Variants in GLT1D1 observed in about 807,000 individuals in gnomAD.
The protein encoded by GLT1D1 is glycosyltransferase 1 domain containing 1, also known as glycosyltransferase 1 domain-containing protein 1.
A neutral mutation model predicts 28.7 loss-of-function variants in GLT1D1; 21 were observed. The ratio of observed to expected loss-of-function variants is 0.73; its 90% CI spans 0.52 to 1.05. The LOEUF (loss-of-function observed/expected upper bound fraction) is 1.05, where lower values mean the gene tolerates loss of function less well. Among genes scored for constraint, GLT1D1 ranks in the 50% least tolerant of loss-of-function variants. The pLI, the probability that GLT1D1 is intolerant of heterozygous loss-of-function variation, is 0.00. For missense variants in GLT1D1, 343 were observed against 330.6 expected (o/e 1.04, Z -0.29); for synonymous variants, 147 against 124.8 (o/e 1.18, Z -1.19).
At chr12:128,907,382 T>C (rs1274934352) in intron 4 of GLT1D1, among the ~76,000 whole-genome samples, 2 of 150,494 alleles carry the variant, frequency 1.3e-5, no homozygotes, top group Admixed American at 6.7e-5. Flanking sequence ...CTCGGCTCAC[T>C]GCAAGCTCTG....
intron 7 of GLT1D1, among the ~76,000 whole-genome samples, chr12:128,963,736 T>C (rs1460796973): frequency 6.6e-6 from 1 of 152,190 alleles, no homozygotes; most frequent in African/African-American, 2.4e-5. Context: ...GGCAGAGAGC[T>C]TTTATGGAGT....
intron 2 of GLT1D1, among the ~76,000 whole-genome samples, chr12:128,883,581 C>T (rs1366411662): frequency 7.4e-6 from 1 of 135,740 alleles, no homozygotes; most frequent in East Asian, 2.1e-4. Context: ...CAGAGCTAGA[C>T]TCCATCTCAA....
At chr12:128,919,635 A>G (rs902962932) in intron 4 of GLT1D1, among the ~76,000 whole-genome samples, 16 of 152,256 alleles carry the variant, frequency 1.1e-4, no homozygotes, top group Non-Finnish European at 1.9e-4. Context: ...GGTTAAGTGT[A>G]GTAAATGGCA....
At chr12:128,856,608 T>C (rs1956231275) in intron 1 of GLT1D1, among the ~76,000 whole-genome samples, 1 of 152,094 alleles carries the variant, frequency 6.6e-6, no homozygotes, top group Non-Finnish European at 1.5e-5. Context: ...ACACAGGTCC[T>C]GAGCTGTGTG....
intron 6 of GLT1D1, among the ~76,000 whole-genome samples, chr12:128,948,573 G>C (rs943445968): frequency 1.3e-5 from 2 of 152,288 alleles, no homozygotes; most frequent in Non-Finnish European, 2.9e-5. Context: ...ACTGCTTCCT[G>C]AGGTCTTTGA....
At chr12:128,949,833 C>T (rs767701559) in intron 6 of GLT1D1, among the ~76,000 whole-genome samples, 79 of 151,788 alleles carry the variant, frequency 5.2e-4, no homozygotes, top group Non-Finnish European at 1.1e-3. Flanking sequence ...TGTACACACG[C>T]ACATGCACAC....
intron 7 of GLT1D1, among the ~76,000 whole-genome samples, chr12:128,981,925 C>G (rs1357893959): frequency 6.6e-6 from 1 of 152,178 alleles, no homozygotes; most frequent in Non-Finnish European, 1.5e-5. Flanking sequence ...AAACCCACGC[C>G]TCCCGTGTCA....
intron 4 of GLT1D1, 149 bp downstream of exon 7, chr12:128,926,603 C>G (rs1435512693): frequency 1.8e-6 from 1 of 543,074 alleles, no homozygotes; most frequent in Non-Finnish European, 3.3e-6. Flanking sequence ...TGGAAAAGAA[C>G]AGAAAAATAA....
intron 7 of GLT1D1, among the ~76,000 whole-genome samples, chr12:128,973,365 T>G (rs1452424529): frequency 2.7e-5 from 4 of 146,638 alleles, no homozygotes; most frequent in African/African-American, 7.6e-5. Flanking sequence ...TTTTTTTTTT[T>G]GTATTTTTGT....
intron 2 of GLT1D1, among the ~76,000 whole-genome samples, chr12:128,878,779 A>G (rs2135803236): frequency 6.6e-6 from 1 of 151,882 alleles, no homozygotes; most frequent in African/African-American, 2.4e-5. Flanking sequence ...ATGCCCGGCT[A>G]TTTTTTTGGT....
intron 1 of GLT1D1, among the ~76,000 whole-genome samples, chr12:128,874,100 C>CTTTGTT (rs1219784154): frequency 7.0e-5 from 3 of 43,060 alleles, no homozygotes; most frequent in African/African-American, 3.3e-4. Context: ...TTCTTTCTTT[C>CTTTGTT]TCTCTCTCTC....
intron 3 of GLT1D1, among the ~76,000 whole-genome samples, chr12:128,896,804 A>G (rs893237478): frequency 7.9e-5 from 12 of 152,124 alleles, no homozygotes; most frequent in Non-Finnish European, 1.6e-4. Flanking sequence ...GAATTCTATC[A>G]TAAATTCTGT....
At chr12:128,926,798 T>A (rs1873267400) in intron 4 of GLT1D1, among the ~76,000 whole-genome samples, 1 of 152,194 alleles carries the variant, frequency 6.6e-6, no homozygotes, top group African/African-American at 2.4e-5. Context: ...TTTAAGGTAA[T>A]CGATACAGTC....
At chr12:128,920,711 C>G (rs1322587599) in intron 4 of GLT1D1, among the ~76,000 whole-genome samples, 1 of 152,118 alleles carries the variant, frequency 6.6e-6, no homozygotes, top group Non-Finnish European at 1.5e-5. Flanking sequence ...TAGCTGTTGG[C>G]AGCAATATGC....
intron 4 of GLT1D1, among the ~76,000 whole-genome samples, chr12:128,902,378 G>A (rs961684943): frequency 2.0e-5 from 3 of 150,990 alleles, no homozygotes; most frequent in East Asian, 1.9e-4. Context: ...AGCTACTTTC[G>A]GGAGGCTGAG....
intron 1 of GLT1D1, among the ~76,000 whole-genome samples, chr12:128,858,953 G>T (rs1956294000): frequency 6.6e-6 from 1 of 152,120 alleles, no homozygotes; most frequent in Non-Finnish European, 1.5e-5. Flanking sequence ...CTATAGCTTG[G>T]AACTGCCCTT....
Position 128,951,955 on chromosome 12 carries a change from C to T in GLT1D1, c.540+4497C>T, listed in dbSNP as rs533773338. ...CTGCGGTTTTCCTTGGAGGCAGGGC[C>T]GTGCCCGCCATGGTGTGGAATCCTC... On this transcript the variant is annotated intron_variant, in intron 6 of 7. Coordinates refer to ENST00000281703, the MANE Select transcript of GLT1D1 (RefSeq NM_144669.3). 6.6e-5 allele frequency among the ~76,000 whole-genome samples: 10 copies of T among 152,280 alleles called. No homozygotes were observed. The East Asian group carries it at 9.7e-4, about 15-fold the overall frequency.
intron 4 of GLT1D1, 165 bp from the exon 9 acceptor site, chr12:128,945,161 G>T: frequency 1.3e-6 from 1 of 768,062 alleles, no homozygotes; most frequent in Non-Finnish European, 2.3e-6. Flanking sequence ...CCCGAGCCGG[G>T]GGCCCCCATG....
chr12:128,888,716 G>C lies in GLT1D1; in HGVS notation c.295G>C (p.Val99Leu), dbSNP rs1411896632. 2 of 1,612,718 alleles carry C rather than the reference G, an allele frequency of 1.2e-6. No individual in the cohort carries two copies. Among genetic ancestry groups the C allele is most frequent in the Non-Finnish European group, 1.7e-6 (2 of 1,178,758 alleles). Residue 99 changes from valine (V) to leucine (L), a missense_variant, in exon 3 of 8, where the codon GTC (valine) becomes CTC (leucine). By Grantham distance (32) the Val-to-Leu change is conservative (BLOSUM62 1). Transcript: ENST00000281703. The stretch of plus-strand genomic sequence containing the variant: ...TGCCAACCAGGCGGAAAAAAACACA[G>C]TCATGGGCAGAGTTCTTGAGGAAGC...
Sources: gnomAD v4.1 joint callset for allele counts (sites outside exome capture counted in the v4.1 genomes callset) on GRCh38, gnomAD v4.1.1 for gene constraint, MANE v1.5 for transcripts, NCBI Gene and HGNC (gene_info 2026-07-23, HGNC 2026-07-21) for gene names.